Variants in WRAP73 observed in about 807,000 individuals in gnomAD.
WRAP73 encodes the protein WD repeat containing, antisense to TP73.
WRAP73 carries 55 observed loss-of-function variants against 59.6 expected under a neutral mutation model. The observed-to-expected ratio is 0.92, with a 90% CI of 0.74 to 1.15. The LOEUF is 1.15. WRAP73 is among the 50% of genes most tolerant of loss of function. The probability of loss-of-function intolerance (pLI) is 0.00; values close to 1 mark genes in which losing one functional copy is unlikely to be tolerated. For missense variants in WRAP73, 592 were observed against 608.1 expected, an observed-to-expected ratio of 0.97 and a Z score of 0.28; for synonymous variants, 265 against 258.2, an observed-to-expected ratio of 1.03 and a Z score of -0.25.
intron 5 of WRAP73, 89 bp from the exon 6 acceptor site, chr1:3,636,119 T>A: frequency 1.1e-6 from 1 of 939,662 alleles, no homozygotes; most frequent in Non-Finnish European, 1.7e-6. Flanking sequence ...TTAACGCACT[T>A]AATTTCCTTA....
intron 1 of WRAP73, among the ~76,000 whole-genome samples, chr1:3,649,528 G>T (rs552362706): frequency 6.6e-6 from 1 of 152,270 alleles, no homozygotes; most frequent in East Asian, 1.9e-4. Flanking sequence ...CTTTCCAAGG[G>T]CACCTCCCCA....
Position 3,630,860 on chromosome 1 carries a change from G to T in WRAP73, c.*115C>A. 1 of 1,362,128 alleles carries T rather than the reference G, an allele frequency of 7.3e-7. No homozygotes were observed. Among genetic ancestry groups the T allele is most frequent in the South Asian group, 1.5e-5 (1 of 68,820 alleles). 84.4% of individuals were successfully genotyped at this position (1,362,128 alleles called of 1,614,324 possible). On this transcript the variant is annotated 3_prime_UTR_variant, in exon 12 of 12. Coordinates refer to ENST00000270708, the MANE Select transcript of WRAP73 (RefSeq NM_017818.4). ...AAAAATGCTTTGCTATAGAAAAATA[G>T]AATCAATCACTGAATCCAGACCACC...
intron 8 of WRAP73, chr1:3,634,546 T>C (rs1265658649): frequency 1.5e-5 from 3 of 194,976 alleles, no homozygotes; most frequent in African/African-American, 6.9e-5. Context: ...TGCCACCCCG[T>C]GGAGACACCC....
In WRAP73 at chr1:3,630,786, G is replaced by T; in HGVS notation, c.*189C>A. 1 of 718,310 alleles carries T rather than the reference G, an allele frequency of 1.4e-6. No homozygotes were observed. The highest frequency in any genetic ancestry group is 2.2e-6 in the Non-Finnish European group (1 of 463,772). The allele number at this position is 718,310 out of a possible 1,614,324, so 44.5% of individuals were successfully genotyped here. A position where few individuals can be genotyped will look rare whatever the true frequency, so the allele number is the denominator to read the frequency against. On this transcript the variant is annotated 3_prime_UTR_variant, in exon 12 of 12. Coordinates refer to ENST00000270708, the MANE Select transcript of WRAP73 (RefSeq NM_017818.4). ...GAGAAGTAGTTGTATAAATCAGCAA[G>T]TATTTATTTTAAATAATAAAACTAC... is the stretch of plus-strand genomic sequence containing the variant.
At chr1:3,645,525 G>A (rs922405370) in intron 3 of WRAP73, among the ~76,000 whole-genome samples, 3 of 151,496 alleles carry the variant, frequency 2.0e-5, no homozygotes, top group African/African-American at 7.3e-5. Flanking sequence ...GTTGCCCCGT[G>A]GTGTGCGCGG....
At position 3,631,089 on chromosome 1, in the gene WRAP73, C is replaced by A; in HGVS notation, c.1269G>T (p.Trp423Cys). The A allele has an allele frequency of 6.2e-7, 1 of 1,613,350 alleles. No individual in the cohort carries two copies. Among genetic ancestry groups the A allele is most frequent in the East Asian group, 2.2e-5 (1 of 44,876 alleles). Reference protein sequence around the residue: ...EGDFAVLSLCWHLSGDSMALL... With the variant: ...EGDFAVLSLCCHLSGDSMALL... The stretch of plus-strand genomic sequence containing the variant: ...GGGCCATCGAGTCTCCGCTTAAATG[C>A]CAGCACAGAGAGAGCACTGCAAAGT... The change falls in exon 12 of 12, where the codon TGG (tryptophan) becomes TGT (cysteine). Residue 423 changes from tryptophan (W) to cysteine (C), a missense_variant. Transcript: ENST00000270708.
intron 3 of WRAP73, among the ~76,000 whole-genome samples, chr1:3,640,039 AG>A (rs962083090): frequency 6.6e-6 from 1 of 152,248 alleles, no homozygotes; most frequent in Non-Finnish European, 1.5e-5. Context: ...ACAACAGAAA[AG>A]AAAATCTGAT....
Position 3,646,463 on chromosome 1 carries a change from TCA to T in WRAP73, c.339+201_339+202del, listed in dbSNP as rs749254241. Among the ~76,000 whole-genome samples the T allele has an allele frequency of 5.9e-5, 9 of 152,346 alleles. 1 individual carries two copies. In the East Asian group the frequency reaches 1.5e-3, roughly 26 times the overall value. ...GTATCTAATTTATAAATTAAATGTA[TCA>T]CAGGTATGCTGTATAGGAAAAAACA... On this transcript the variant is annotated intron_variant, in intron 3 of 11. Transcript: ENST00000270708. The surrounding 1 kb of genome is among the most constrained non-coding windows in gnomAD (Gnocchi z 5.1).
In WRAP73 at chr1:3,646,887, T is replaced by C. The variant is rs1346515777; in HGVS notation, c.223-105A>G. On this transcript the variant is annotated intron_variant, in intron 2 of 11. Transcript: ENST00000270708. This position sits in a 1 kb window ranked among gnomAD's most constrained non-coding sequence, Gnocchi z 5.1. ...AGCGGAGACCCGACCGCACAGGGTG[T>C]CTTCAAACTCATCAGCAGTCTATAG... is the stretch of plus-strand genomic sequence containing the variant. The C allele has an allele frequency of 2.2e-6, 2 of 905,720 alleles. No individual in the cohort carries two copies. Among genetic ancestry groups the C allele is most frequent in the East Asian group, 4.9e-5 (2 of 40,522 alleles). The allele number at this position is 905,720 out of a possible 1,614,324, so 56.1% of individuals were successfully genotyped here.
chr1:3,632,672 G>T (rs1370628587), intron 9 of WRAP73: 8 of 368,042 alleles, frequency 2.2e-5, no homozygotes, highest in South Asian at 1.3e-4. Flanking sequence ...CTTTTCTGTC[G>T]ACTACCAGCA....
intron 3 of WRAP73, among the ~76,000 whole-genome samples, chr1:3,641,599 G>A (rs750503227): frequency 4.7e-5 from 7 of 150,202 alleles, no homozygotes; most frequent in Middle Eastern, 3.4e-3. Flanking sequence ...GGTGGGAGAC[G>A]GACTGAGCAC....
At chr1:3,636,841 T>A (rs1412830933) in intron 5 of WRAP73, 154 bp downstream of exon 5, 1 of 804,164 alleles carries the variant, frequency 1.2e-6, no homozygotes, top group South Asian at 1.5e-5. Flanking sequence ...CGGGTGCCAC[T>A]GGAAGTGATT....
At position 3,635,220 on chromosome 1, in the gene WRAP73, G is replaced by A. The variant is rs999197650; in HGVS notation, c.678C>T (p.Ile226=). 1.1e-5 allele frequency: 17 copies of A among 1,614,056 alleles called. No individual in the cohort carries two copies. Among genetic ancestry groups the A allele is most frequent in the Non-Finnish European group, 1.4e-5 (17 of 1,180,050 alleles). ...TGCTGGGGCTCCAGGCCACAGACTT[G>A]ATGCCCAGGGACCACTCGTAAGCGC... ...TYSAYEWSLG[I]KSVAWSPSSQ... The change falls in exon 7 of 12, where the codon ATC becomes ATT. Residue 226 remains isoleucine, a synonymous_variant. Coordinates refer to ENST00000270708, the MANE Select transcript of WRAP73 (RefSeq NM_017818.4).
chr1:3,635,572 G>T, intron 6 of WRAP73: 1 of 518,334 alleles, frequency 1.9e-6, no homozygotes, highest in Non-Finnish European at 3.4e-6. Flanking sequence ...TGTAATCCCA[G>T]CACTTTGGGA....
chr1:3,649,487 C>A (rs1197424688), intron 1 of WRAP73, among the ~76,000 whole-genome samples: 1 of 152,222 alleles, frequency 6.6e-6, no homozygotes, highest in African/African-American at 2.4e-5. Flanking sequence ...TATACCCTCA[C>A]CTGTGTGCAG....
At chr1:3,648,373 GTGTTT>G (rs1313628122) in intron 1 of WRAP73, among the ~76,000 whole-genome samples, 2 of 152,198 alleles carry the variant, frequency 1.3e-5, no homozygotes, top group Admixed American at 1.3e-4. Context: ...AAAGTAGTTT[GTGTTT>G]TATGAACCGA....
rs769352594 is a variant in WRAP73, at chr1:3,638,832, G to T, written c.340-10C>A. 1.2e-6 allele frequency: 2 copies of T among 1,613,632 alleles called. No individual in the cohort carries two copies. Among genetic ancestry groups the T allele is most frequent in the African/African-American group, 1.3e-5 (1 of 74,922 alleles). On this transcript the variant is annotated splice_polypyrimidine_tract_variant and intron_variant, in intron 3 of 11. Transcript: ENST00000270708. Reference sequence around the variant, plus strand: ...AGACGGTTATCCGCAGCTGTTGGGGGAAAGGGGAAAGAGAAAGGAAACACT... The same window carrying T: ...AGACGGTTATCCGCAGCTGTTGGGGTAAAGGGGAAAGAGAAAGGAAACACT...
intron 9 of WRAP73, 199 bp from the exon 10 acceptor site, chr1:3,632,537 T>C (rs1366077117): frequency 2.6e-6 from 2 of 775,464 alleles, no homozygotes; most frequent in Non-Finnish European, 4.1e-6. Flanking sequence ...GTGCCCCGGA[T>C]GAGAGTGGCA....
In WRAP73 at chr1:3,635,097, G is replaced by A. The variant is rs79481270; in HGVS notation, c.739-23C>T. 8,363 of 1,614,170 alleles carry A rather than the reference G, an allele frequency of 5.2e-3. 376 individuals are homozygous for A. The African/African-American group carries it at 0.095, about 18-fold the overall frequency. ...CACCTGAGGAAGGAAACCATGCACA[G>A]GTGAGGCAGGGCCCGGCCCGCTGGG... On this transcript the variant is annotated intron_variant, in intron 7 of 11. Coordinates refer to ENST00000270708, the MANE Select transcript of WRAP73 (RefSeq NM_017818.4).
Sources: gnomAD v4.1 joint callset for allele counts (sites outside exome capture counted in the v4.1 genomes callset) on GRCh38, gnomAD v4.1.1 for gene constraint, Gnocchi (gnomAD v3.1) non-coding constraint, MANE v1.5 for transcripts, NCBI Gene and HGNC (gene_info 2026-07-23, HGNC 2026-07-21) for gene names.